The following COL5A2 variants were observed in gnomAD, a reference collection of about 807,000 sequenced individuals.
COL5A2 encodes the protein collagen type V alpha 2 chain.
In COL5A2, 23 loss-of-function variants were observed where a neutral mutation model predicts 208.2. That is an observed-to-expected ratio of 0.11 (90% CI 0.08 to 0.16). The LOEUF (loss-of-function observed/expected upper bound fraction) is 0.16. Among genes scored for constraint, COL5A2 ranks in the 10% least tolerant of loss-of-function variants. The probability of loss-of-function intolerance (pLI) is 1.00; values close to 1 mark genes in which losing one functional copy is unlikely to be tolerated. For missense variants in COL5A2, 1,590 were observed against 1,956.4 expected, an observed-to-expected ratio of 0.81 and a Z score of 3.53; for synonymous variants, 625 against 628.5, an observed-to-expected ratio of 0.99 and a Z score of 0.08.
At chr2:189,126,828 G>A (rs1687615796) in intron 1 of COL5A2, among the ~76,000 whole-genome samples, 1 of 152,096 alleles carries the variant, frequency 6.6e-6, no homozygotes, top group Non-Finnish European at 1.5e-5. Flanking sequence ...TGCATGGAAT[G>A]CTAAGGCCAT....
chr2:189,243,024 T>C, the COL5A2 span, among the ~76,000 whole-genome samples: 3 of 151,944 alleles, frequency 2.0e-5, no homozygotes, highest in East Asian at 1.9e-4. Context: ...GAGGAGTAGA[T>C]AATAAAAAAA....
At chr2:189,039,163 A>T in intron 51 of COL5A2, 109 bp downstream of exon 51, 1 of 1,336,786 alleles carries the variant, frequency 7.5e-7, no homozygotes. Flanking sequence ...TACTATTTTT[A>T]TCTCAAATCT....
the COL5A2 span, among the ~76,000 whole-genome samples, chr2:189,396,143 T>G: frequency 6.6e-6 from 1 of 152,068 alleles, no homozygotes; most frequent in Non-Finnish European, 1.5e-5. Flanking sequence ...CTTAAGAAAT[T>G]TATAGATATT....
At chr2:189,036,882 G>A in intron 51 of COL5A2, 79 bp from the exon 52 acceptor site, 1 of 1,170,138 alleles carries the variant, frequency 8.5e-7, no homozygotes, top group Non-Finnish European at 1.2e-6. Flanking sequence ...ATTAACAGAG[G>A]GTTTGAAAAT....
At chr2:189,277,828 T>A in the COL5A2 span, among the ~76,000 whole-genome samples, 2 of 152,124 alleles carry the variant, frequency 1.3e-5, no homozygotes, top group African/African-American at 4.8e-5. Flanking sequence ...ACAGTGATGA[T>A]CTGCAAGTCC....
the COL5A2 span, among the ~76,000 whole-genome samples, chr2:189,321,444 T>G: frequency 6.6e-6 from 1 of 152,084 alleles, no homozygotes; most frequent in South Asian, 2.1e-4. Context: ...GAGACACACA[T>G]AGGCTCAAAA....
chr2:189,230,897 C>A, the COL5A2 span, among the ~76,000 whole-genome samples: 176 of 151,982 alleles, frequency 1.2e-3, no homozygotes, highest in Non-Finnish European at 2.1e-3. Flanking sequence ...TTCCCATATT[C>A]ATTGCAGCAT....
chr2:189,345,353 G>A, the COL5A2 span, among the ~76,000 whole-genome samples: 2 of 152,160 alleles, frequency 1.3e-5, no homozygotes, highest in African/African-American at 4.8e-5. Flanking sequence ...TGGAGTTCAT[G>A]GAAGTGGTCT....
At chr2:189,215,183 C>G (rs781514237) in intron 1 of COL5A2, among the ~76,000 whole-genome samples, 9 of 152,150 alleles carry the variant, frequency 5.9e-5, no homozygotes, top group Non-Finnish European at 1.2e-4. Flanking sequence ...AGAGCTAGAT[C>G]TCGTAGGGTG....
At chr2:189,370,922 A>G in the COL5A2 span, among the ~76,000 whole-genome samples, 2 of 152,252 alleles carry the variant, frequency 1.3e-5, no homozygotes, top group East Asian at 3.9e-4. Flanking sequence ...TGTCTCCTCC[A>G]AATTTCGTGT....
chr2:189,272,896 G>C, the COL5A2 span, among the ~76,000 whole-genome samples: 2 of 152,088 alleles, frequency 1.3e-5, no homozygotes. Flanking sequence ...TCCTTGTACA[G>C]CATGACCACC....
chr2:189,356,294 A>G, the COL5A2 span, among the ~76,000 whole-genome samples: 2 of 151,814 alleles, frequency 1.3e-5, no homozygotes, highest in Non-Finnish European at 2.9e-5. Context: ...TGTTCTCTGT[A>G]TTTCCTGAAT....
In COL5A2 at chr2:189,051,422, A is replaced by G. The variant is rs1576494477; in HGVS notation, c.2829T>C (p.Leu943=). 1.9e-6 allele frequency: 3 copies of G among 1,613,776 alleles called. No homozygotes were observed. The highest frequency in any genetic ancestry group is 2.5e-6 in the Non-Finnish European group (3 of 1,179,786). ...GCCCATGAGAGCCAGGGTCCCCACG[A>G]AGACCTGGAGGTCCCTCCTTCCCGG... is the stretch of plus-strand genomic sequence containing the variant. The part of the protein sequence containing the change: ...GEPGKEGPPG[L]RGDPGSHGRV... The change falls in exon 42 of 54, where the codon CTT becomes CTC. Residue 943 remains leucine (L), a synonymous_variant. Transcript: ENST00000374866.
intron 14 of COL5A2, among the ~76,000 whole-genome samples, 199 bp from the exon 15 acceptor site, chr2:189,079,306 A>C (rs572595064): frequency 3.9e-5 from 6 of 152,288 alleles, no homozygotes; most frequent in African/African-American, 1.4e-4. Context: ...ATACATCTAA[A>C]ATAATATTGG....
the COL5A2 span, among the ~76,000 whole-genome samples, chr2:189,431,761 C>T: frequency 5.9e-5 from 9 of 152,134 alleles, no homozygotes; most frequent in East Asian, 3.9e-4. Flanking sequence ...GAACCAAGTC[C>T]GAAAGCACTC....
At chr2:189,427,193 A>G in the COL5A2 span, among the ~76,000 whole-genome samples, 2 of 152,220 alleles carry the variant, frequency 1.3e-5, no homozygotes, top group African/African-American at 2.4e-5. Flanking sequence ...TGTTCCCTAC[A>G]TCGTAGCCAC....
chr2:189,054,233 G>A lies in COL5A2; in HGVS notation c.2392-21C>T. 3.1e-6 allele frequency: 5 copies of A among 1,588,236 alleles called. 2 individuals are homozygous for A. The South Asian group carries it at 5.5e-5, about 18-fold the overall frequency. On this transcript the variant is annotated intron_variant, in intron 35 of 53. Transcript: ENST00000374866. ...AGACCCTGTCAATTAACAGAACATA[G>A]GCATATTGAGGTAAAAAATGCACAG...
At chr2:189,438,768 G>A in the COL5A2 span, among the ~76,000 whole-genome samples, 1 of 152,146 alleles carries the variant, frequency 6.6e-6, no homozygotes, top group Admixed American at 6.5e-5. Flanking sequence ...GTGCATCATA[G>A]ATATCAAAGA....
chr2:189,293,627 A>C, the COL5A2 span, among the ~76,000 whole-genome samples: 2 of 152,194 alleles, frequency 1.3e-5, no homozygotes, highest in Non-Finnish European at 2.9e-5. Flanking sequence ...TTTATAAAAG[A>C]GACCCCAGAG....
Sources: gnomAD v4.1 joint callset for allele counts (sites outside exome capture counted in the v4.1 genomes callset) on GRCh38, gnomAD v4.1.1 for gene constraint, MANE v1.5 for transcripts, NCBI Gene and HGNC (gene_info 2026-07-23, HGNC 2026-07-21) for gene names.